Variants in SYCP2 observed in about 807,000 individuals in gnomAD.
SYCP2 encodes synaptonemal complex protein 2.
Under a neutral mutation model 211.3 loss-of-function variants are expected in SYCP2, and 55 were observed. The observed-to-expected ratio is 0.26, with a 90% CI of 0.21 to 0.33. The LOEUF (loss-of-function observed/expected upper bound fraction) is 0.33, where lower values mean the gene tolerates loss of function less well. Ranked by LOEUF, SYCP2 falls within the 10% of genes least tolerant of loss-of-function variation. SYCP2 has a pLI of 1.00. For missense variants in SYCP2, 1,731 were observed against 1,752.0 expected, an observed-to-expected ratio of 0.99 and a Z score of 0.21; for synonymous variants, 570 against 555.2, an observed-to-expected ratio of 1.03 and a Z score of -0.37.
chr20:59,930,017 T>TGC (rs2060705622), intron 2 of SYCP2, among the ~76,000 whole-genome samples: 1 of 152,146 alleles, frequency 6.6e-6, no homozygotes, highest in Admixed American at 6.5e-5. Flanking sequence ...GCCCCTGCTA[T>TGC]GCGCTCTATA....
chr20:59,875,831 A>G (rs2059544032), intron 33 of SYCP2, among the ~76,000 whole-genome samples: 2 of 152,236 alleles, frequency 1.3e-5, no homozygotes, highest in South Asian at 4.1e-4. Flanking sequence ...CTGCGAATAG[A>G]GAAGACTTCG....
chr20:59,921,188 T>C lies in SYCP2; in HGVS notation c.168+122A>G, dbSNP rs987324114. 34 of 689,320 alleles carry C rather than the reference T, an allele frequency of 4.9e-5. No individual in the cohort carries two copies. The Middle Eastern group carries it at 1.3e-3, about 25-fold the overall frequency. The allele number at this position is 689,320 out of a possible 1,614,324, so 42.7% of individuals were successfully genotyped here. ...AAGCAAATGGTGAAATAAGCATTTA[T>C]TTATATAATTATGACTGAGCTTGCC... On this transcript the variant is annotated intron_variant, in intron 4 of 44. Transcript: ENST00000357552.
rs772357237 is a variant in SYCP2, at chr20:59,885,982, G to A, written c.2493-18C>T. 7 of 1,590,586 alleles carry A rather than the reference G, an allele frequency of 4.4e-6. No individual in the cohort carries two copies. In the African/African-American group the frequency reaches 9.5e-5, roughly 22 times the overall value. ...AAAAACCACTGTAAAAAAAGATTTT[G>A]TCAAAATTGAAAAAGCAAATCAGTA... On this transcript the variant is annotated intron_variant, in intron 25 of 44. Coordinates refer to ENST00000357552, the MANE Select transcript of SYCP2 (RefSeq NM_014258.4).
intron 44 of SYCP2, 62 bp from the exon 45 acceptor site, chr20:59,864,450 T>C: frequency 8.8e-7 from 1 of 1,136,592 alleles, no homozygotes; most frequent in South Asian, 1.5e-5. Context: ...AACCACCAAA[T>C]AAAATAGAAA....
chr20:59,875,224 GA>G lies in SYCP2; in HGVS notation c.3349+46del, dbSNP rs1451862216. The G allele has an allele frequency of 6.6e-6, 8 of 1,221,040 alleles. No homozygotes were observed. The Middle Eastern group carries it at 1.4e-3, about 209-fold the overall frequency. The allele number at this position is 1,221,040 out of a possible 1,614,324, so 75.6% of individuals were successfully genotyped here. ...GTATTTTCCCATAATTAGAGTTATAGAAAACTATTGAATATTCAAGTAAAGA... is the reference window on the plus strand; with the variant it reads ...GTATTTTCCCATAATTAGAGTTATAGAAACTATTGAATATTCAAGTAAAGA... On this transcript the variant is annotated intron_variant, in intron 34 of 44. Transcript: ENST00000357552.
At chr20:59,884,183 G>A (rs544349049) in intron 26 of SYCP2, among the ~76,000 whole-genome samples, 2 of 152,112 alleles carry the variant, frequency 1.3e-5, no homozygotes, top group Admixed American at 6.5e-5. Flanking sequence ...AACCAAGCAT[G>A]CTTTTCCTTT....
Position 59,880,475 on chromosome 20 carries a change from TAAA to T in SYCP2, c.2773-7_2773-5del, listed in dbSNP as rs747137339. ...TCTTTTGATGATTTGTTATAATCTA[TAAA>T]AAAAAGTTTGAAATGCATGAAGAAA... On this transcript the variant is annotated splice_region_variant and splice_polypyrimidine_tract_variant and intron_variant, in intron 30 of 44. Transcript: ENST00000357552. 9 of 1,520,350 alleles carry T rather than the reference TAAA, an allele frequency of 5.9e-6. No individual in the cohort carries two copies. In the Admixed American group the frequency reaches 1.7e-4, roughly 29 times the overall value. 94.2% of individuals were successfully genotyped at this position (1,520,350 alleles called of 1,614,324 possible).
At chr20:59,887,231 T>C (rs2059808519) in intron 24 of SYCP2, among the ~76,000 whole-genome samples, 1 of 149,430 alleles carries the variant, frequency 6.7e-6, no homozygotes, top group South Asian at 2.2e-4. Flanking sequence ...AATTCCCACC[T>C]ACAAGTGAGA....
At chr20:59,886,568 T>G in intron 25 of SYCP2, 139 bp downstream of exon 25, 2 of 554,376 alleles carry the variant, frequency 3.6e-6, no homozygotes. Flanking sequence ...CTACTATTTA[T>G]AAAAGTATTA....
intron 30 of SYCP2, 114 bp from the exon 31 acceptor site, chr20:59,880,585 AAACT>A (rs752993020): frequency 1.0e-5 from 6 of 591,752 alleles, no homozygotes; most frequent in Admixed American, 3.7e-5. Flanking sequence ...CAAAACAGGA[AAACT>A]AACTTGTCAT....
At chr20:59,899,959 A>C (rs2060083668) in intron 18 of SYCP2, 179 bp downstream of exon 18, 1 of 659,648 alleles carries the variant, frequency 1.5e-6, no homozygotes, top group South Asian at 1.9e-5. Context: ...CATGTACACA[A>C]TTTGCTAAGA....
intron 18 of SYCP2, 62 bp downstream of exon 18, chr20:59,900,065 TTTCAGTACTCA>T (rs780812949): frequency 1.4e-6 from 2 of 1,455,232 alleles, no homozygotes; most frequent in Non-Finnish European, 1.9e-6. Context: ...TAGATGCTTC[TTTCAGTACTCA>T]TATATAACAG....
intron 10 of SYCP2, 39 bp from the exon 11 acceptor site, chr20:59,914,290 A>T: frequency 7.8e-7 from 1 of 1,289,974 alleles, no homozygotes; most frequent in Non-Finnish European, 1.1e-6. Flanking sequence ...TACAATTATG[A>T]AAATTAAGTT....
intron 31 of SYCP2, 71 bp downstream of exon 31, chr20:59,880,232 T>A: frequency 8.1e-7 from 1 of 1,231,900 alleles, no homozygotes; most frequent in East Asian, 2.5e-5. Flanking sequence ...TAAGCTTATA[T>A]AAAGCATTTT....
chr20:59,865,511 T>C, intron 43 of SYCP2, 62 bp downstream of exon 43: 2 of 1,575,552 alleles, frequency 1.3e-6, no homozygotes, highest in South Asian at 1.1e-5. Context: ...AAGACAAAGT[T>C]ACATTAACAA....
At chr20:59,911,589 AT>A (rs1381769744) in intron 14 of SYCP2, among the ~76,000 whole-genome samples, 160 bp downstream of exon 14, 4 of 152,198 alleles carry the variant, frequency 2.6e-5, no homozygotes, top group Non-Finnish European at 5.9e-5. Flanking sequence ...TTCATTTATA[AT>A]TAGCTTGGTA....
chr20:59,875,920 G>C (rs1046079349), intron 33 of SYCP2, among the ~76,000 whole-genome samples: 1 of 151,986 alleles, frequency 6.6e-6, no homozygotes, highest in African/African-American at 2.4e-5. Context: ...CACAGTTCTG[G>C]GCATACACTG....
At chr20:59,889,523 T>A (rs1016459293) in intron 24 of SYCP2, among the ~76,000 whole-genome samples, 16 of 152,040 alleles carry the variant, frequency 1.1e-4, no homozygotes, top group Admixed American at 7.2e-4. Flanking sequence ...TTTTCTCTGG[T>A]TATCAGGCAT....
chr20:59,870,249 C>G (rs1332581961), intron 35 of SYCP2, among the ~76,000 whole-genome samples: 1 of 151,634 alleles, frequency 6.6e-6, no homozygotes, highest in Non-Finnish European at 1.5e-5. Context: ...AACAAGAACA[C>G]GAATAAGAAT....
Sources: allele counts gnomAD v4.1 joint callset (sites outside exome capture counted in the v4.1 genomes callset), GRCh38; gene constraint gnomAD v4.1.1; transcripts MANE v1.5; gene names NCBI Gene and HGNC (gene_info 2026-07-23, HGNC 2026-07-21).